The following MED27 variants were observed in gnomAD, a reference collection of about 807,000 sequenced individuals.
MED27 encodes mediator of RNA polymerase II transcription subunit 27.
Under a neutral mutation model 38.2 loss-of-function variants are expected in MED27, and 30 were observed. The observed-to-expected ratio is 0.79, with a 90% CI of 0.59 to 1.07. The LOEUF (loss-of-function observed/expected upper bound fraction) is 1.07, where lower values mean the gene tolerates loss of function less well. Ranked by LOEUF, MED27 falls within the 50% of genes least tolerant of loss-of-function variation. MED27 has a pLI of 0.00. For synonymous variants in MED27, 122 were observed against 153.5 expected, an observed-to-expected ratio of 0.79 and a Z score of 1.52; for missense variants, 289 against 397.5, an observed-to-expected ratio of 0.73 and a Z score of 2.32.
At position 131,973,457 on chromosome 9, in the gene MED27, C is replaced by CTTT. The variant is rs747946439; in HGVS notation, c.480-33986_480-33984dup. Among the ~76,000 whole-genome samples the CTTT allele has an allele frequency of 1.1e-3, 138 of 122,156 alleles. 2 individuals are homozygous for CTTT. Among genetic ancestry groups the CTTT allele is most frequent in the African/African-American group, 3.6e-3 (114 of 31,840 alleles). The allele number at this position is 122,156 out of a possible 152,430, so 80.1% of individuals were successfully genotyped here. A position where few individuals can be genotyped will look rare whatever the true frequency, so the allele number is the denominator to read the frequency against. ...CCTTTTCTTTTTTTCTTTTTCTTTT[C>CTTT]TTTTTTTTTTTTTTTTTTTGAGATA... On this transcript the variant is annotated intron_variant, in intron 3 of 7. Coordinates refer to ENST00000292035, the MANE Select transcript of MED27 (RefSeq NM_004269.4).
intron 2 of MED27, among the ~76,000 whole-genome samples, chr9:132,047,255 T>A (rs1833362560): frequency 6.6e-6 from 1 of 151,584 alleles, no homozygotes; most frequent in South Asian, 2.1e-4. Flanking sequence ...AGGCAGAGCA[T>A]GAGATGAGGG....
intron 4 of MED27, among the ~76,000 whole-genome samples, chr9:131,905,359 C>A (rs920828026): frequency 6.6e-6 from 1 of 152,218 alleles, no homozygotes; most frequent in Non-Finnish European, 1.5e-5. Context: ...GTACATGACA[C>A]TGAACATGAC....
chr9:132,076,276 G>A (rs1197487722), intron 2 of MED27, among the ~76,000 whole-genome samples: 2 of 148,846 alleles, frequency 1.3e-5, no homozygotes, highest in Non-Finnish European at 3.0e-5. Flanking sequence ...TTTTTTTTTT[G>A]GCTAAATCTA....
intron 4 of MED27, among the ~76,000 whole-genome samples, chr9:131,916,374 G>C (rs1445805645): frequency 1.3e-5 from 2 of 152,214 alleles, no homozygotes; most frequent in African/African-American, 2.4e-5. Flanking sequence ...TTGTCTACAA[G>C]AAAACAGCAG....
At chr9:131,878,009 T>C (rs1838967503) in intron 6 of MED27, among the ~76,000 whole-genome samples, 1 of 152,066 alleles carries the variant, frequency 6.6e-6, no homozygotes, top group Non-Finnish European at 1.5e-5. Flanking sequence ...GCGCGGTGGC[T>C]CATGCCTATA....
chr9:132,012,089 T>A (rs1469862368), intron 3 of MED27, among the ~76,000 whole-genome samples: 1 of 152,188 alleles, frequency 6.6e-6, no homozygotes, highest in Non-Finnish European at 1.5e-5. Context: ...ACAGATGGAC[T>A]AAGAACTGAC....
chr9:131,912,070 A>G (rs1312849695), intron 4 of MED27, among the ~76,000 whole-genome samples: 1 of 152,212 alleles, frequency 6.6e-6, no homozygotes, highest in Non-Finnish European at 1.5e-5. Flanking sequence ...ACCCCGAGGA[A>G]CTGAGACTCT....
At chr9:131,919,725 T>G (rs529541252) in intron 4 of MED27, among the ~76,000 whole-genome samples, 8 of 152,112 alleles carry the variant, frequency 5.3e-5, no homozygotes, top group Non-Finnish European at 1.0e-4. Context: ...TAGCATCAGG[T>G]CACTATGTAC....
chr9:131,962,815 T>A (rs1168101394), intron 3 of MED27, among the ~76,000 whole-genome samples: 1 of 152,218 alleles, frequency 6.6e-6, no homozygotes, highest in Non-Finnish European at 1.5e-5. Flanking sequence ...AAAACAGTAA[T>A]CCTGTTAAAT....
rs74311521 is a variant in MED27 at position 131,968,496 on chromosome 9, C to T, written c.480-29022G>A. ...CAAAAAAAAAAAAAAAAAAAAAAAT[C>T]GTAGTACTACGAGGTGAAAGGGACC... On this transcript the variant is annotated intron_variant, in intron 3 of 7. Transcript: ENST00000292035. Among the ~76,000 whole-genome samples, 246 of 138,106 alleles carry T rather than the reference C, an allele frequency of 1.8e-3. 2 individuals are homozygous for T. In the East Asian group the frequency reaches 0.049, roughly 27 times the overall value. The allele number at this position is 138,106 out of a possible 152,430, so 90.6% of individuals were successfully genotyped here. A position where few individuals can be genotyped will look rare whatever the true frequency, so the allele number is the denominator to read the frequency against.
intron 6 of MED27, among the ~76,000 whole-genome samples, chr9:131,873,565 G>C (rs2131464984): frequency 6.6e-6 from 1 of 152,312 alleles, no homozygotes; most frequent in African/African-American, 2.4e-5. Context: ...AGCCCACAGG[G>C]ACTTGGGATT....
At chr9:131,963,995 T>C (rs1202299847) in intron 3 of MED27, among the ~76,000 whole-genome samples, 1 of 151,988 alleles carries the variant, frequency 6.6e-6, no homozygotes, top group Admixed American at 6.6e-5. Flanking sequence ...AATAAGTGAG[T>C]GTGCCCTTCT....
At chr9:131,882,245 A>T (rs992937746) in intron 6 of MED27, among the ~76,000 whole-genome samples, 3 of 152,152 alleles carry the variant, frequency 2.0e-5, no homozygotes, top group Admixed American at 2.0e-4. Context: ...CCCAGGGGGC[A>T]CTGTGGATTA....
chr9:132,037,887 A>G (rs1218776526), intron 2 of MED27, among the ~76,000 whole-genome samples: 2 of 152,086 alleles, frequency 1.3e-5, no homozygotes, highest in African/African-American at 4.8e-5. Flanking sequence ...AGATCTAGCA[A>G]TGCAGGATAT....
chr9:132,079,634 GTACC>G lies in MED27; in HGVS notation c.203+4_203+7del. On this transcript the variant is annotated splice_donor_5th_base_variant and intron_variant, in intron 1 of 7. Transcript: ENST00000292035. ...TCCCCGACCCCGGCCCCTTCAGCCGGTACCTACTTGAGGTCCCGGTTGACCGAAT... is the reference window on the plus strand; with the variant it reads ...TCCCCGACCCCGGCCCCTTCAGCCGGTACTTGAGGTCCCGGTTGACCGAAT... The G allele has an allele frequency of 6.2e-7, 1 of 1,612,304 alleles. No individual in the cohort carries two copies. Among genetic ancestry groups the G allele is most frequent in the Non-Finnish European group, 8.5e-7 (1 of 1,179,828 alleles).
At chr9:131,898,619 G>A (rs1374446646) in intron 4 of MED27, among the ~76,000 whole-genome samples, 3 of 150,498 alleles carry the variant, frequency 2.0e-5, no homozygotes, top group Admixed American at 1.3e-4. Flanking sequence ...AGATAGTCTC[G>A]CTCTGTCTCC....
chr9:132,042,278 G>A (rs1196362586), intron 2 of MED27, among the ~76,000 whole-genome samples: 3 of 152,196 alleles, frequency 2.0e-5, no homozygotes, highest in African/African-American at 7.2e-5. Flanking sequence ...CAGGCACGGA[G>A]AAAAGGCTTT....
intron 2 of MED27, among the ~76,000 whole-genome samples, chr9:132,067,728 T>G (rs1318603648): frequency 6.6e-6 from 1 of 151,132 alleles, no homozygotes; most frequent in East Asian, 1.9e-4. Context: ...TGTTGTTGTT[T>G]TGAGACGGAG....
At chr9:132,066,940 T>C (rs942278613) in intron 2 of MED27, among the ~76,000 whole-genome samples, 1 of 152,258 alleles carries the variant, frequency 6.6e-6, no homozygotes, top group Non-Finnish European at 1.5e-5. Flanking sequence ...CCAGGCCTCC[T>C]GCCTCTCAGT....
Sources: allele counts gnomAD v4.1 joint callset (sites outside exome capture counted in the v4.1 genomes callset), GRCh38; gene constraint gnomAD v4.1.1; transcripts MANE v1.5; gene names NCBI Gene and HGNC (gene_info 2026-07-23, HGNC 2026-07-21).